The following TRPM4 variants were observed in gnomAD, a reference collection of about 807,000 sequenced individuals.
TRPM4 encodes the protein calcium-activated non-selective cation channel 1.
In TRPM4, 124 loss-of-function variants were observed where a neutral mutation model predicts 135.6. That is an observed-to-expected ratio of 0.91 (90% CI 0.79 to 1.06). The LOEUF (loss-of-function observed/expected upper bound fraction) is 1.06. Among genes scored for constraint, TRPM4 ranks in the 50% least tolerant of loss-of-function variants. The probability of loss-of-function intolerance (pLI) is 0.00; values close to 1 mark genes in which losing one functional copy is unlikely to be tolerated. For synonymous variants in TRPM4, 745 were observed against 705.6 expected, an observed-to-expected ratio of 1.06 and a Z score of -0.88; for missense variants, 1,658 against 1,671.4, an observed-to-expected ratio of 0.99 and a Z score of 0.14.
At chr19:49,197,282 TTCTTTCTTTCTTTC>T (rs1233946378) in intron 17 of TRPM4, among the ~76,000 whole-genome samples, 7 of 133,894 alleles carry the variant, frequency 5.2e-5, no homozygotes, top group Non-Finnish European at 8.4e-5. Flanking sequence ...TCCTTTTTTT[TTCTTTCTTTCTTTC>T]TCTTTCTTTC....
At chr19:49,197,308 TTTTCTTTCTTTC>T (rs78342507) in intron 17 of TRPM4, among the ~76,000 whole-genome samples, 5,107 of 122,144 alleles carry the variant, frequency 0.042, 125 homozygotes, top group East Asian at 0.071. Context: ...CTTTCTTTCT[TTTTCTTTCTTTC>T]TTTCTTTCTT....
intron 20 of TRPM4, among the ~76,000 whole-genome samples, chr19:49,206,382 G>A (rs1357775864): frequency 6.6e-6 from 1 of 151,728 alleles, no homozygotes; most frequent in Non-Finnish European, 1.5e-5. Flanking sequence ...TGAACTTAAA[G>A]ATCAGAGTTT....
At position 49,211,249 on chromosome 19, in the gene TRPM4, CT is replaced by C; in HGVS notation, c.3621del (p.Asp1208ThrfsTer25). The stretch of plus-strand genomic sequence containing the variant: ...CTGCCCCCAGGTGGGCCGCCACCCC[CT>C]GACCTGCCTGGGTCCAAAGGTCAGT... The part of the protein sequence containing the change: ...ALLPPGGPPP[P>X]DLPGSKD On this transcript the variant is annotated frameshift_variant, in exon 24 of 25. Transcript: ENST00000252826. LOFTEE classifies it high-confidence loss of function. This position sits in a 1 kb window ranked among gnomAD's most constrained non-coding sequence, Gnocchi z 4.8. 6.3e-7 allele frequency: 1 copy of C among 1,584,852 alleles called. No homozygotes were observed. Among genetic ancestry groups the C allele is most frequent in the Non-Finnish European group, 8.6e-7 (1 of 1,166,348 alleles).
At chr19:49,194,117 TCTC>T (rs1414312424) in intron 16 of TRPM4, among the ~76,000 whole-genome samples, 3 of 96,124 alleles carry the variant, frequency 3.1e-5, no homozygotes, top group Admixed American at 2.9e-4. Context: ...TCATCCTACT[TCTC>T]CTCTTCATCC....
At position 49,197,340 on chromosome 19, in the gene TRPM4, CTT is replaced by C. The variant is rs754336335; in HGVS notation, c.2645+468_2645+469del. On this transcript the variant is annotated intron_variant, in intron 17 of 24. Coordinates refer to ENST00000252826, the MANE Select transcript of TRPM4 (RefSeq NM_017636.4). ...TCTTTCTTTCTTTCTTTCTTTCTTT[CTT>C]TCTTTCTTTCTTTCTTTCTTTCTCT... 7.6e-3 allele frequency among the ~76,000 whole-genome samples: 920 copies of C among 121,316 alleles called. 14 individuals carry two copies. The highest frequency in any genetic ancestry group is 0.023 in the African/African-American group (572 of 24,572). The allele number at this position is 121,316 out of a possible 152,430, so 79.6% of individuals were successfully genotyped here.
intron 10 of TRPM4, 37 bp downstream of exon 10, chr19:49,181,498 A>G: frequency 4.2e-6 from 6 of 1,427,504 alleles, no homozygotes; most frequent in Non-Finnish European, 5.9e-6. Flanking sequence ...GCATACTGAC[A>G]AAGGGACTGT....
chr19:49,181,451 T>G lies in TRPM4; in HGVS notation c.1253T>G (p.Ile418Ser). The G allele has an allele frequency of 6.2e-7, 1 of 1,612,004 alleles. No homozygotes were observed. Among genetic ancestry groups the G allele is most frequent in the Non-Finnish European group, 8.5e-7 (1 of 1,179,458 alleles). ...CAGAGTGAACTCTTTCGGGGGGACA[T>G]CCAATGGCGGGTGAGGGGTCAGGGC... is the stretch of plus-strand genomic sequence containing the variant. Reference protein sequence around the residue: ...IAQSELFRGDIQWRSFHLEAS... With the variant: ...IAQSELFRGDSQWRSFHLEAS... The change falls in exon 10 of 25, where the codon ATC (isoleucine) becomes AGC (serine). Residue 418 changes from isoleucine to serine, a missense_variant. Physicochemically the swap from Ile to Ser is moderately radical, Grantham distance 142. Transcript: ENST00000252826.
rs749745124 is a variant in TRPM4, at chr19:49,201,946, G to A, written c.2954-18G>A. 2 of 1,612,838 alleles carry A rather than the reference G, an allele frequency of 1.2e-6. No individual in the cohort carries two copies. The highest frequency in any genetic ancestry group is 1.7e-6 in the Non-Finnish European group (2 of 1,179,932). ...TCTCTGTCCCCCTCACCCCATCTCT[G>A]AATGTCTCTCTTCACAGTGGCCCTC... On this transcript the variant is annotated intron_variant, in intron 19 of 24. Coordinates refer to ENST00000252826, the MANE Select transcript of TRPM4 (RefSeq NM_017636.4).
intron 12 of TRPM4, among the ~76,000 whole-genome samples, chr19:49,183,419 CAG>C (rs1358338936): frequency 6.6e-6 from 1 of 152,140 alleles, no homozygotes; most frequent in African/African-American, 2.4e-5. Flanking sequence ...TTTTTTGAGA[CAG>C]AGTCTCGCTC....
chr19:49,158,101 A>C, intron 1 of TRPM4, 91 bp from the exon 2 acceptor site: 1 of 1,376,710 alleles, frequency 7.3e-7, no homozygotes, highest in Non-Finnish European at 1.0e-6. Context: ...GTCCGTGGGG[A>C]GCGCACGGGG....
chr19:49,164,364 GTTTTTTTTTTTTTTTTTTTT>G (rs869232937), intron 2 of TRPM4, among the ~76,000 whole-genome samples: 3 of 16,266 alleles, frequency 1.8e-4, no homozygotes, highest in Middle Eastern at 0.12. Context: ...TCTTTCCTTA[GTTTTTTTTTTTTTTTTTTTT>G]TTTTTTTTTT....
At chr19:49,168,461 T>G in intron 5 of TRPM4, 38 bp downstream of exon 5, 1 of 1,613,814 alleles carries the variant, frequency 6.2e-7, no homozygotes, top group South Asian at 1.1e-5. Context: ...GCTGGAGGCC[T>G]GGACTCCTGG....
chr19:49,205,015 T>A (rs986524538), intron 20 of TRPM4, among the ~76,000 whole-genome samples: 5 of 123,146 alleles, frequency 4.1e-5, no homozygotes, highest in Non-Finnish European at 8.1e-5. Flanking sequence ...AGAGATGGGG[T>A]CTTACTATAT....
chr19:49,211,597 C>G lies in TRPM4; in HGVS notation c.*99C>G. ...GGCCCCCGCACCTGGTGGCCTTGTC[C>G]TTGAGGTGAGCCCCATGTCCATCTG... On this transcript the variant is annotated 3_prime_UTR_variant, in exon 25 of 25. Coordinates refer to ENST00000252826, the MANE Select transcript of TRPM4 (RefSeq NM_017636.4). This position sits in a 1 kb window ranked among gnomAD's most constrained non-coding sequence, Gnocchi z 4.8. The G allele has an allele frequency of 6.7e-7, 1 of 1,503,016 alleles. No homozygotes were observed. Among genetic ancestry groups the G allele is most frequent in the South Asian group, 1.1e-5 (1 of 88,892 alleles). 93.1% of individuals were successfully genotyped at this position (1,503,016 alleles called of 1,614,324 possible). A position where few individuals can be genotyped will look rare whatever the true frequency, so the allele number is the denominator to read the frequency against.
chr19:49,169,314 C>T (rs1313639332), intron 6 of TRPM4, among the ~76,000 whole-genome samples: 8 of 145,352 alleles, frequency 5.5e-5, no homozygotes, highest in Admixed American at 4.8e-4. Context: ...CCCTGTTGCC[C>T]AGGCTGGAGT....
At chr19:49,192,241 C>T (rs1968439403) in intron 16 of TRPM4, among the ~76,000 whole-genome samples, 1 of 152,198 alleles carries the variant, frequency 6.6e-6, no homozygotes, top group African/African-American at 2.4e-5. Flanking sequence ...CTCCTGAGTT[C>T]AAGCGATTCT....
intron 6 of TRPM4, among the ~76,000 whole-genome samples, chr19:49,170,379 G>T (rs918607775): frequency 6.6e-6 from 1 of 151,882 alleles, no homozygotes; most frequent in African/African-American, 2.4e-5. Flanking sequence ...GGTAGAGACG[G>T]GGTTTCACCA....
rs138426685 is a variant in TRPM4, at chr19:49,187,703, G to A, written c.1744-938G>A. ...AAGAGTAATTCGCGCAGAGCCGGCT[G>A]TGCGGGAGACCTCAGTTTTATTATC... is the stretch of plus-strand genomic sequence containing the variant. On this transcript the variant is annotated intron_variant, in intron 12 of 24. Transcript: ENST00000252826. 6.1e-3 allele frequency among the ~76,000 whole-genome samples: 932 copies of A among 152,290 alleles called. 5 individuals are homozygous for A. Among genetic ancestry groups the A allele is most frequent in the South Asian group, 0.028 (133 of 4,824 alleles).
rs867032884 is a variant in TRPM4, at chr19:49,210,493, A to G, written c.3328+88A>G. 3 of 1,522,584 alleles carry G rather than the reference A, an allele frequency of 2.0e-6. No homozygotes were observed. Among genetic ancestry groups the G allele is most frequent in the African/African-American group, 1.4e-5 (1 of 73,276 alleles). The allele number at this position is 1,522,584 out of a possible 1,614,324, so 94.3% of individuals were successfully genotyped here. ...GGAAGGGGGCATGCCCCAAATGACT[A>G]ACGGGCGTGGCTTAGGTAGCGAGGG... On this transcript the variant is annotated intron_variant, in intron 21 of 24. Coordinates refer to ENST00000252826, the MANE Select transcript of TRPM4 (RefSeq NM_017636.4). This position sits in a 1 kb window ranked among gnomAD's most constrained non-coding sequence, Gnocchi z 4.1.
Sources: gnomAD v4.1 joint callset for allele counts (sites outside exome capture counted in the v4.1 genomes callset) on GRCh38, gnomAD v4.1.1 for gene constraint, Gnocchi (gnomAD v3.1) non-coding constraint, MANE v1.5 for transcripts, NCBI Gene and HGNC (gene_info 2026-07-23, HGNC 2026-07-21) for gene names.